MLXIPL: variants seen among roughly 807,000 people sequenced by gnomAD.
MLXIPL encodes the protein carbohydrate-responsive element-binding protein.
MLXIPL carries 49 observed loss-of-function variants against 81.5 expected under a neutral mutation model. That is an observed-to-expected ratio of 0.60 (90% CI 0.48 to 0.76). The LOEUF (loss-of-function observed/expected upper bound fraction) is 0.76. Ranked by LOEUF, MLXIPL falls within the 30% of genes least tolerant of loss-of-function variation. The pLI, the probability that MLXIPL is intolerant of heterozygous loss-of-function variation, is 0.00. For missense variants in MLXIPL, 1,053 were observed against 1,167.0 expected, an observed-to-expected ratio of 0.90 and a Z score of 1.42; for synonymous variants, 466 against 485.5, an observed-to-expected ratio of 0.96 and a Z score of 0.53.
the MLXIPL span, among the ~76,000 whole-genome samples, chr7:73,633,377 C>G: frequency 4.6e-3 from 691 of 150,324 alleles, 1 homozygote; most frequent in Middle Eastern, 0.028. Flanking sequence ...TGAAGTCTCA[C>G]TCTGTCACCC....
intron 2 of MLXIPL, among the ~76,000 whole-genome samples, chr7:73,613,310 A>G (rs1379555133): frequency 6.6e-6 from 1 of 152,068 alleles, no homozygotes; most frequent in Non-Finnish European, 1.5e-5. Flanking sequence ...CAGAAATAGG[A>G]CCTATTGGCC....
the MLXIPL span, among the ~76,000 whole-genome samples, chr7:73,630,636 T>C: frequency 6.6e-6 from 1 of 152,146 alleles, no homozygotes; most frequent in Non-Finnish European, 1.5e-5. Flanking sequence ...GAAAACAACC[T>C]TTGCTGAAGG....
rs1794314401 is a variant in MLXIPL, at chr7:73,596,463, C to T, written c.1839G>A (p.Leu613=). ...CTGGCATGGAGCTGAGGTCCCCTGACAGCCGCCGTTCACTGCCTGTGGTAG... is the reference window on the plus strand; with the variant it reads ...CTGGCATGGAGCTGAGGTCCCCTGATAGCCGCCGTTCACTGCCTGTGGTAG... ...PPAPSGSERR[L]SGDLSSMPGP... is the part of the protein sequence containing the mutation. The change falls in exon 12 of 17, where the codon CTG becomes CTA. Residue 613 remains leucine (L), a synonymous_variant. Coordinates refer to ENST00000313375, the MANE Select transcript of MLXIPL (RefSeq NM_032951.3). The surrounding 1 kb of genome is among the most constrained non-coding windows in gnomAD (Gnocchi z 4.7). 23 of 1,612,830 alleles carry T rather than the reference C, an allele frequency of 1.4e-5. No individual in the cohort carries two copies. The highest frequency in any genetic ancestry group is 1.9e-5 in the Non-Finnish European group (23 of 1,179,970).
At chr7:73,617,940 G>A (rs1766794551) in intron 1 of MLXIPL, among the ~76,000 whole-genome samples, 1 of 152,160 alleles carries the variant, frequency 6.6e-6, no homozygotes, top group South Asian at 2.1e-4. Context: ...GCTGAGCCAG[G>A]AGGCCAAGAC....
In MLXIPL at chr7:73,607,688, C is replaced by T. The variant is rs782656536; in HGVS notation, c.401-16G>A. Reference sequence around the variant, plus strand: ...CGCTTCACATCTGAGAGAAGGGGGCCAGGTCAGGGGCACCCAGCTTCCTCA... The same window carrying T: ...CGCTTCACATCTGAGAGAAGGGGGCTAGGTCAGGGGCACCCAGCTTCCTCA... On this transcript the variant is annotated splice_polypyrimidine_tract_variant and intron_variant, in intron 2 of 16. Transcript: ENST00000313375. 9.9e-6 allele frequency: 16 copies of T among 1,611,792 alleles called. 1 individual carries two copies. In the South Asian group the frequency reaches 1.8e-4, roughly 18 times the overall value.
chr7:73,613,183 C>T (rs1554600084), intron 2 of MLXIPL, among the ~76,000 whole-genome samples: 1 of 152,182 alleles, frequency 6.6e-6, no homozygotes, highest in East Asian at 1.9e-4. Context: ...AGCCCACCTT[C>T]AAACCTTTGG....
chr7:73,620,090 G>A lies in MLXIPL; in HGVS notation c.294-3913C>T, dbSNP rs1428910179. On this transcript the variant is annotated intron_variant, in intron 1 of 16. Transcript: ENST00000313375. The stretch of plus-strand genomic sequence containing the variant: ...TTCAAGACCAGCTGGGCAATACAGT[G>A]AGACCTTATCTCTATTTAAAACTAT... Among the ~76,000 whole-genome samples the A allele has an allele frequency of 2.0e-5, 3 of 151,408 alleles. No individual in the cohort carries two copies. The East Asian group carries it at 5.8e-4, about 29-fold the overall frequency.
At chr7:73,631,240 G>C in the MLXIPL span, among the ~76,000 whole-genome samples, 1 of 151,910 alleles carries the variant, frequency 6.6e-6, no homozygotes, top group African/African-American at 2.4e-5. Context: ...TTGATCTCCT[G>C]ACCTTGTGAT....
At chr7:73,646,003 T>C in the MLXIPL span, among the ~76,000 whole-genome samples, 1 of 152,212 alleles carries the variant, frequency 6.6e-6, no homozygotes, top group East Asian at 1.9e-4. Flanking sequence ...TTCTCCTATC[T>C]GAACAGCAAT....
intron 2 of MLXIPL, 46 bp from the exon 3 acceptor site, chr7:73,607,718 C>T (rs1795414858): frequency 4.5e-6 from 7 of 1,550,892 alleles, no homozygotes; most frequent in African/African-American, 4.1e-5. Context: ...TCCTCATCCC[C>T]CACCTCACCC....
intron 4 of MLXIPL, 61 bp from the exon 5 acceptor site, chr7:73,607,079 C>A (rs1257882251): frequency 1.3e-6 from 2 of 1,583,704 alleles, no homozygotes; most frequent in Non-Finnish European, 8.6e-7. Context: ...CACTTTCCCC[C>A]CAAAGTCTCC....
the MLXIPL span, among the ~76,000 whole-genome samples, chr7:73,630,334 C>A: frequency 7.0e-6 from 1 of 142,420 alleles, no homozygotes; most frequent in South Asian, 2.2e-4. Context: ...ACTCTGTCAC[C>A]CAGGCCAGAA....
At chr7:73,627,341 C>T (rs1554604016), upstream of MLXIPL, among the ~76,000 whole-genome samples, 1 of 151,794 alleles carries the variant, frequency 6.6e-6, no homozygotes, top group African/African-American at 2.4e-5. Flanking sequence ...CTCCGCCTCC[C>T]GGGCTCAAGC....
chr7:73,622,444 G>A (rs1462221426), intron 1 of MLXIPL, among the ~76,000 whole-genome samples: 1 of 151,324 alleles, frequency 6.6e-6, no homozygotes, highest in Non-Finnish European at 1.5e-5. Flanking sequence ...AGCTGAGATG[G>A]CACCACTGCA....
Position 73,595,710 on chromosome 7 carries a change from C to G in MLXIPL, c.2237G>C (p.Arg746Pro), listed in dbSNP as rs558465034. The change falls in exon 15 of 17, where the codon CGT becomes CCT. Residue 746 changes from arginine (R) to proline (P), a missense_variant. By Grantham distance (103) the Arg-to-Pro change is moderately radical (BLOSUM62 -2). This residue lies in a region of MLXIPL where 823 missense variants were observed against 933.0 expected (regional missense o/e 0.88). Transcript: ENST00000313375. ...AAACATGTCTCGCATCTGGTCAAAA[C>G]GCTGGTGTGTGATGGGTACCCCTGT... ...PATGVPITHQ[R>P]FDQMRDMFDD... is the part of the protein sequence containing the mutation. 8.1e-6 allele frequency: 13 copies of G among 1,613,706 alleles called. No individual in the cohort carries two copies. Among genetic ancestry groups the G allele is most frequent in the African/African-American group, 1.3e-5 (1 of 74,920 alleles).
chr7:73,622,047 A>G (rs1331644760), intron 1 of MLXIPL, among the ~76,000 whole-genome samples: 1 of 98,422 alleles, frequency 1.0e-5, no homozygotes, highest in Non-Finnish European at 1.9e-5. Context: ...CTTCCTTCCA[A>G]CAAGGTCTCA....
rs1794908553 is a variant in MLXIPL, at chr7:73,602,144, C to CTTCCTTCCTTCCTTCCTTCCTTCT, written c.902-2450_902-2449insAGAAGGAAGGAAGGAAGGAAGGAA. ...CCTGCCTGCCTGCCTTCCTTCCTTC[C>CTTCCTTCCTTCCTTCCTTCCTTCT]TTCCTTCCTTCCTTCCTTCCTTTCT... On this transcript the variant is annotated intron_variant, in intron 7 of 16. Transcript: ENST00000313375. Among the ~76,000 whole-genome samples the CTTCCTTCCTTCCTTCCTTCCTTCT allele has an allele frequency of 1.4e-5, 2 of 146,562 alleles. 1 individual carries two copies. The highest frequency in any genetic ancestry group is 4.5e-4 in the South Asian group (2 of 4,492).
At chr7:73,602,074 G>GCCTT (rs1794877419) in intron 7 of MLXIPL, among the ~76,000 whole-genome samples, 4 of 103,380 alleles carry the variant, frequency 3.9e-5, no homozygotes, top group South Asian at 5.8e-4. Flanking sequence ...CTGTCCACCT[G>GCCTT]CCTGCCTGCC....
chr7:73,627,567 G>A (rs1459573027), upstream of MLXIPL, among the ~76,000 whole-genome samples: 11 of 152,056 alleles, frequency 7.2e-5, no homozygotes, highest in African/African-American at 1.4e-4. Flanking sequence ...GCAGTTAACC[G>A]TCTTTTGAGG....
Sources: allele counts gnomAD v4.1 joint callset (sites outside exome capture counted in the v4.1 genomes callset), GRCh38; gene constraint gnomAD v4.1.1; regional missense constraint gnomAD v4.1.1; non-coding constraint Gnocchi (gnomAD v3.1); transcripts MANE v1.5; gene names NCBI Gene and HGNC (gene_info 2026-07-23, HGNC 2026-07-21).